The following PCDH15 variants were observed in gnomAD, a reference collection of about 807,000 sequenced individuals.
The protein encoded by PCDH15 is protocadherin related 15, also known as protocadherin-15.
In PCDH15, 129 loss-of-function variants were observed where a neutral mutation model predicts 178.5. The ratio of observed to expected loss-of-function variants is 0.72; its 90% CI spans 0.63 to 0.84. PCDH15 has a LOEUF of 0.84. Among genes scored for constraint, PCDH15 ranks in the 40% least tolerant of loss-of-function variants. PCDH15 has a pLI of 0.00. For synonymous variants in PCDH15, 800 were observed against 732.0 expected, an observed-to-expected ratio of 1.09 and a Z score of -1.50; for missense variants, 2,230 against 2,099.9, an observed-to-expected ratio of 1.06 and a Z score of -1.21.
chr10:54,317,216 T>G, intron 8 of PCDH15, 55 bp downstream of exon 8: 1 of 1,553,102 alleles, frequency 6.4e-7, no homozygotes, highest in Non-Finnish European at 8.9e-7. Context: ...TTGAACATGA[T>G]CCCATTGGGT....
rs2051706660 is a variant in PCDH15, at chr10:54,213,822, T to C, written c.1098+114A>G. The C allele has an allele frequency of 2.2e-5, 15 of 676,472 alleles. No individual in the cohort carries two copies. In the South Asian group the frequency reaches 2.3e-4, roughly 10 times the overall value. The allele number at this position is 676,472 out of a possible 1,614,324, so 41.9% of individuals were successfully genotyped here. On this transcript the variant is annotated intron_variant, in intron 10 of 37. Coordinates refer to ENST00000644397, the MANE Select transcript of PCDH15 (RefSeq NM_001384140.1). Reference sequence around the variant, plus strand: ...TCTTTTTAACAAAAAATTGACTGACTGCTGTCCACATTAATTTTAATTTTA... The same window carrying C: ...TCTTTTTAACAAAAAATTGACTGACCGCTGTCCACATTAATTTTAATTTTA...
intron 3 of PCDH15, among the ~76,000 whole-genome samples, chr10:54,847,646 T>C (rs536119448): frequency 1.3e-5 from 2 of 152,300 alleles, no homozygotes; most frequent in Admixed American, 1.3e-4. Context: ...CTGTGATAAC[T>C]AGCATACTGA....
At chr10:55,198,711 C>A (rs1389079470) in intron 1 of PCDH15, among the ~76,000 whole-genome samples, 1 of 151,532 alleles carries the variant, frequency 6.6e-6, no homozygotes, top group Admixed American at 6.6e-5. Context: ...TCTCGATCTC[C>A]TGACCTCCGC....
intron 2 of PCDH15, among the ~76,000 whole-genome samples, chr10:55,585,209 C>G (rs879385580): frequency 3.3e-5 from 5 of 151,982 alleles, no homozygotes; most frequent in Non-Finnish European, 5.9e-5. Flanking sequence ...GTTCACTCTT[C>G]CTGGGGGTAA....
intron 1 of PCDH15, among the ~76,000 whole-genome samples, chr10:55,315,052 T>C (rs1386578848): frequency 6.6e-6 from 1 of 152,132 alleles, no homozygotes; most frequent in Admixed American, 6.5e-5. Flanking sequence ...GTTGGTGTTC[T>C]ACTTAAAGAT....
chr10:54,965,344 G>A (rs955572258), intron 2 of PCDH15, among the ~76,000 whole-genome samples: 3 of 152,004 alleles, frequency 2.0e-5, no homozygotes, highest in African/African-American at 4.8e-5. Context: ...TTTTCCCCAC[G>A]CTATTCTCAT....
intron 2 of PCDH15, among the ~76,000 whole-genome samples, chr10:55,564,274 C>A (rs1016942969): frequency 1.4e-5 from 2 of 146,424 alleles, no homozygotes; most frequent in Admixed American, 6.9e-5. Context: ...GTTATAGGAG[C>A]TGAGTTTTTG....
At chr10:54,337,780 C>A (rs1462255261) in intron 6 of PCDH15, among the ~76,000 whole-genome samples, 2 of 152,118 alleles carry the variant, frequency 1.3e-5, no homozygotes, top group African/African-American at 4.8e-5. Flanking sequence ...CATGACTCAT[C>A]TGTTTTGACC....
At chr10:54,244,755 C>G (rs2055754499) in intron 8 of PCDH15, among the ~76,000 whole-genome samples, 1 of 152,174 alleles carries the variant, frequency 6.6e-6, no homozygotes, top group Admixed American at 6.5e-5. Context: ...TATTCACCTC[C>G]CCTTCATTCC....
chr10:55,564,375 A>G (rs1359713326), intron 2 of PCDH15, among the ~76,000 whole-genome samples: 1 of 151,704 alleles, frequency 6.6e-6, no homozygotes, highest in Non-Finnish European at 1.5e-5. Flanking sequence ...CCCACAAAGA[A>G]AATAATTATA....
intron 2 of PCDH15, among the ~76,000 whole-genome samples, chr10:54,968,297 T>C (rs887935310): frequency 1.3e-5 from 2 of 152,192 alleles, no homozygotes; most frequent in African/African-American, 4.8e-5. Context: ...GCTTTGTCAT[T>C]GTTTCCCTGC....
At chr10:55,488,454 G>T (rs1840345604) in intron 2 of PCDH15, among the ~76,000 whole-genome samples, 1 of 151,524 alleles carries the variant, frequency 6.6e-6, no homozygotes, top group South Asian at 2.1e-4. Flanking sequence ...AATTTCTTTG[G>T]CAGAGGAACT....
At chr10:54,562,419 T>C (rs1342859542) in intron 2 of PCDH15, among the ~76,000 whole-genome samples, 1 of 152,092 alleles carries the variant, frequency 6.6e-6, no homozygotes, top group Non-Finnish European at 1.5e-5. Context: ...ATCAAGAAAT[T>C]AGAAGAGAAA....
chr10:53,819,492 A>G (rs1316703980), intron 33 of PCDH15, among the ~76,000 whole-genome samples: 1 of 152,006 alleles, frequency 6.6e-6, no homozygotes. Flanking sequence ...TGATACTTAT[A>G]AAGCCAGTTC....
At chr10:55,241,577 G>A (rs1455557655) in intron 1 of PCDH15, among the ~76,000 whole-genome samples, 3 of 151,904 alleles carry the variant, frequency 2.0e-5, no homozygotes, top group Non-Finnish European at 2.9e-5. Flanking sequence ...ACACCACCGT[G>A]CCTGGCTAAT....
intron 2 of PCDH15, among the ~76,000 whole-genome samples, chr10:55,541,506 C>T (rs987493003): frequency 6.6e-5 from 10 of 151,516 alleles, no homozygotes; most frequent in African/African-American, 1.9e-4. Context: ...ATGTAACAAC[C>T]CTCTAATGAT....
chr10:55,408,280 G>A (rs1408502098), intron 2 of PCDH15, among the ~76,000 whole-genome samples: 1 of 151,636 alleles, frequency 6.6e-6, no homozygotes, highest in East Asian at 1.9e-4. Context: ...CTGTCTCCCG[G>A]GTTCAAGCGA....
chr10:53,836,321 A>G (rs902646030), intron 29 of PCDH15, among the ~76,000 whole-genome samples: 1 of 152,156 alleles, frequency 6.6e-6, no homozygotes, highest in Non-Finnish European at 1.5e-5. Flanking sequence ...TGCAGGCTGT[A>G]CAAGGAGAAC....
chr10:53,822,355 G>A, intron 32 of PCDH15: 1 of 1,579,986 alleles, frequency 6.3e-7, no homozygotes, highest in Non-Finnish European at 8.6e-7. Flanking sequence ...GTAGGAGGAG[G>A]AAGAGGAAGA....
Sources: gnomAD v4.1 joint callset for allele counts (sites outside exome capture counted in the v4.1 genomes callset) on GRCh38, gnomAD v4.1.1 for gene constraint, MANE v1.5 for transcripts, NCBI Gene and HGNC (gene_info 2026-07-23, HGNC 2026-07-21) for gene names.